Variants in POLR2B observed in about 807,000 individuals in gnomAD.
POLR2B encodes DNA-directed RNA polymerase II subunit RPB2.
In POLR2B, 57 loss-of-function variants were observed where a neutral mutation model predicts 144.6. The observed-to-expected ratio is 0.39, with a 90% CI of 0.32 to 0.49. The LOEUF (loss-of-function observed/expected upper bound fraction) is 0.49, where lower values mean the gene tolerates loss of function less well. Ranked by LOEUF, POLR2B falls within the 20% of genes least tolerant of loss-of-function variation. The pLI is 0.83. For synonymous variants in POLR2B, 442 were observed against 469.8 expected (o/e 0.94, Z 0.77); for missense variants, 595 against 1,467.4 (o/e 0.41, Z 9.71).
At chr4:57,022,528 A>G (rs568993896) in intron 18 of POLR2B, among the ~76,000 whole-genome samples, 87 of 152,236 alleles carry the variant, frequency 5.7e-4, no homozygotes, top group African/African-American at 2.0e-3. Flanking sequence ...AGGTCATGCA[A>G]TTTCTGGGGA....
intron 3 of POLR2B, among the ~76,000 whole-genome samples, chr4:56,991,712 T>A (rs1426747919): frequency 6.6e-6 from 1 of 152,238 alleles, no homozygotes; most frequent in Non-Finnish European, 1.5e-5. Flanking sequence ...TGAAAGTGAT[T>A]GGCTCTTCTA....
At chr4:57,005,776 G>A in intron 9 of POLR2B, 57 bp downstream of exon 9, 1 of 1,530,692 alleles carries the variant, frequency 6.5e-7, no homozygotes, top group Non-Finnish European at 9.0e-7. Flanking sequence ...ACTTTAGATT[G>A]ATCATTGCAT....
At position 57,023,498 on chromosome 4, in the gene POLR2B, T is replaced by C; in HGVS notation, c.2684T>C (p.Phe895Ser). ...TATACCAAGAGAGACTGTAGCACTTTTCTCAGAACTAGCGAGACGGGCATT... is the reference window on the plus strand; with the variant it reads ...TATACCAAGAGAGACTGTAGCACTTCTCTCAGAACTAGCGAGACGGGCATT... ...RRYTKRDCSTFLRTSETGIVD... is the reference protein window; with the variant it reads ...RRYTKRDCSTSLRTSETGIVD... The change falls in exon 19 of 25, where the codon TTT becomes TCT. Residue 895 changes from phenylalanine to serine, a missense_variant. Coordinates refer to ENST00000314595, the MANE Select transcript of POLR2B (RefSeq NM_000938.3). The surrounding 1 kb of genome is among the most constrained non-coding windows in gnomAD (Gnocchi z 4.3). 1 of 1,613,882 alleles carries C rather than the reference T, an allele frequency of 6.2e-7. No individual in the cohort carries two copies. The highest frequency in any genetic ancestry group is 8.5e-7 in the Non-Finnish European group (1 of 1,179,768).
chr4:57,003,994 A>G (rs1369188512), intron 7 of POLR2B, among the ~76,000 whole-genome samples: 1 of 151,480 alleles, frequency 6.6e-6, no homozygotes, highest in Non-Finnish European at 1.5e-5. Context: ...TCCTTTGTAA[A>G]ATATTAGGTT....
intron 6 of POLR2B, among the ~76,000 whole-genome samples, chr4:56,998,303 T>C (rs191329957): frequency 1.7e-4 from 26 of 152,026 alleles, no homozygotes; most frequent in East Asian, 5.8e-4. Context: ...GTTCAAGTGA[T>C]TCTCCTGCCT....
At chr4:57,011,643 T>G (rs1723191354) in intron 13 of POLR2B, among the ~76,000 whole-genome samples, 1 of 151,898 alleles carries the variant, frequency 6.6e-6, no homozygotes, top group African/African-American at 2.4e-5. Context: ...GCCAACATGG[T>G]GAAACCCTGT....
intron 14 of POLR2B, among the ~76,000 whole-genome samples, chr4:57,016,579 C>T (rs1723373088): frequency 1.3e-5 from 2 of 150,514 alleles, no homozygotes; most frequent in Admixed American, 1.3e-4. Context: ...TGCGAAATAA[C>T]CTATATAATC....
chr4:56,997,100 A>G (rs576515339), intron 6 of POLR2B, among the ~76,000 whole-genome samples: 21 of 152,258 alleles, frequency 1.4e-4, no homozygotes, highest in African/African-American at 4.8e-4. Context: ...TCCAAAAAGA[A>G]AAAAAGAGAA....
chr4:56,996,206 ATGTGTGTGTGTG>A (rs59059584), intron 6 of POLR2B, among the ~76,000 whole-genome samples: 6 of 115,338 alleles, frequency 5.2e-5, no homozygotes, highest in South Asian at 6.2e-4. Context: ...ATTTCAGTTC[ATGTGTGTGTGTG>A]TGTGTGTGTG....
rs1409743922 is a variant in POLR2B at position 56,996,285 on chromosome 4, T to A, written c.735+876T>A. Reference sequence around the variant, plus strand: ...GTGTATATATATATATATATTTTTTTTTTTTTTTTTTTTTGAGACGGAGTC... The same window carrying A: ...GTGTATATATATATATATATTTTTTATTTTTTTTTTTTTTGAGACGGAGTC... On this transcript the variant is annotated intron_variant, in intron 6 of 24. Coordinates refer to ENST00000314595, the MANE Select transcript of POLR2B (RefSeq NM_000938.3). Among the ~76,000 whole-genome samples the A allele has an allele frequency of 7.8e-3, 994 of 127,854 alleles. 14 individuals carry two copies. Among genetic ancestry groups the A allele is most frequent in the East Asian group, 0.021 (93 of 4,334 alleles). 83.9% of individuals were successfully genotyped at this position (127,854 alleles called of 152,430 possible).
At chr4:57,016,663 T>G (rs920359520) in intron 14 of POLR2B, among the ~76,000 whole-genome samples, 2 of 150,686 alleles carry the variant, frequency 1.3e-5, no homozygotes, top group Non-Finnish European at 3.0e-5. Flanking sequence ...GAAGCTGCTT[T>G]AAATATTTAT....
In POLR2B at chr4:57,023,793, T is replaced by TA; in HGVS notation, c.2856+45dup. 3 of 1,335,572 alleles carry TA rather than the reference T, an allele frequency of 2.2e-6. No individual in the cohort carries two copies. Among genetic ancestry groups the TA allele is most frequent in the Non-Finnish European group, 3.1e-6 (3 of 957,242 alleles). 82.7% of individuals were successfully genotyped at this position (1,335,572 alleles called of 1,614,324 possible). ...TCCCTCATGCCCAAACCAGTTTTGT[T>TA]AAATATTTTTTTTTTAATCAAAATT... On this transcript the variant is annotated intron_variant, in intron 20 of 24. Transcript: ENST00000314595. The surrounding 1 kb of genome is among the most constrained non-coding windows in gnomAD (Gnocchi z 4.3).
At chr4:57,024,269 T>C (rs1723642301) in intron 21 of POLR2B, among the ~76,000 whole-genome samples, 157 bp downstream of exon 21, 1 of 152,230 alleles carries the variant, frequency 6.6e-6, no homozygotes, top group African/African-American at 2.4e-5. Flanking sequence ...TGCCATTTTT[T>C]TTGGCAATTT....
chr4:56,991,441 A>G (rs1427158933), intron 3 of POLR2B, among the ~76,000 whole-genome samples: 1 of 152,222 alleles, frequency 6.6e-6, no homozygotes, highest in Non-Finnish European at 1.5e-5. Flanking sequence ...AGTGATTATA[A>G]GAAGGATGTA....
At chr4:57,003,386 C>T (rs374922541) in intron 7 of POLR2B, among the ~76,000 whole-genome samples, 14 of 151,688 alleles carry the variant, frequency 9.2e-5, no homozygotes, top group Admixed American at 2.0e-4. Context: ...GCCAAGATCA[C>T]GTCACTGCAC....
intron 1 of POLR2B, among the ~76,000 whole-genome samples, chr4:56,985,638 G>T (rs1363447556): frequency 2.0e-5 from 3 of 152,152 alleles, no homozygotes; most frequent in African/African-American, 7.2e-5. Flanking sequence ...CTGACCTCAG[G>T]TGATCCACCG....
chr4:57,004,345 A>G (rs1722952893), intron 7 of POLR2B, among the ~76,000 whole-genome samples: 2 of 113,612 alleles, frequency 1.8e-5, no homozygotes, highest in African/African-American at 7.0e-5. Context: ...CTCCATTCCC[A>G]GCAAATCTTT....
At chr4:56,990,920 C>A (rs747851601) in intron 3 of POLR2B, 22 bp downstream of exon 3, 2 of 1,595,994 alleles carry the variant, frequency 1.3e-6, no homozygotes, top group South Asian at 1.1e-5. Flanking sequence ...CTAATAGTTA[C>A]ACAGGTACAA....
At chr4:56,989,813 T>A (rs1722457017) in intron 2 of POLR2B, among the ~76,000 whole-genome samples, 1 of 152,184 alleles carries the variant, frequency 6.6e-6, no homozygotes, top group South Asian at 2.1e-4. Context: ...TGTCCCTGGA[T>A]GGTAATAGGG....
Sources: allele counts gnomAD v4.1 joint callset (sites outside exome capture counted in the v4.1 genomes callset), GRCh38; gene constraint gnomAD v4.1.1; non-coding constraint Gnocchi (gnomAD v3.1); transcripts MANE v1.5; gene names NCBI Gene and HGNC (gene_info 2026-07-23, HGNC 2026-07-21).